Variants in CTNNA3 observed in about 807,000 individuals in gnomAD.
The protein encoded by CTNNA3 is catenin alpha 3, also known as catenin alpha-3.
In CTNNA3, 76 loss-of-function variants were observed where a neutral mutation model predicts 95.7. That is an observed-to-expected ratio of 0.79 (90% CI 0.66 to 0.96). The LOEUF (loss-of-function observed/expected upper bound fraction) is 0.96. Ranked by LOEUF, CTNNA3 falls within the 40% of genes least tolerant of loss-of-function variation. The pLI is 0.00. For synonymous variants in CTNNA3, 431 were observed against 374.4 expected (o/e 1.15, Z -1.74); for missense variants, 1,191 against 1,089.8 (o/e 1.09, Z -1.31).
intron 7 of CTNNA3, among the ~76,000 whole-genome samples, chr10:67,130,836 A>G (rs1402903336): frequency 1.3e-5 from 2 of 152,088 alleles, no homozygotes. Context: ...TACAAATGGA[A>G]GCACTGACAG....
chr10:66,738,697 C>T (rs187274119), intron 9 of CTNNA3, among the ~76,000 whole-genome samples: 3 of 152,230 alleles, frequency 2.0e-5, no homozygotes, highest in Non-Finnish European at 4.4e-5. Flanking sequence ...ATCTCCATCA[C>T]TATTTCCCTG....
chr10:67,218,392 G>C (rs924932399), intron 6 of CTNNA3, among the ~76,000 whole-genome samples: 4 of 152,158 alleles, frequency 2.6e-5, no homozygotes, highest in African/African-American at 9.7e-5. Flanking sequence ...CCTGCATCCA[G>C]TGACTGAAAG....
At chr10:66,035,117 T>G (rs1017277426) in intron 15 of CTNNA3, among the ~76,000 whole-genome samples, 1 of 152,206 alleles carries the variant, frequency 6.6e-6, no homozygotes, top group East Asian at 1.9e-4. Flanking sequence ...CTCACCTATT[T>G]CAAATTTAAA....
chr10:66,263,204 T>C (rs759896072), intron 13 of CTNNA3, among the ~76,000 whole-genome samples: 3 of 151,910 alleles, frequency 2.0e-5, no homozygotes, highest in African/African-American at 4.8e-5. Flanking sequence ...CTGCAGAGCA[T>C]ATTGGAACAA....
chr10:67,302,237 T>C (rs1329322477), intron 5 of CTNNA3, among the ~76,000 whole-genome samples: 1 of 151,422 alleles, frequency 6.6e-6, no homozygotes, highest in Non-Finnish European at 1.5e-5. Flanking sequence ...AAGCAGAGAG[T>C]ACAATGAGAG....
intron 7 of CTNNA3, among the ~76,000 whole-genome samples, chr10:67,026,849 C>A (rs1853422014): frequency 6.6e-6 from 1 of 152,118 alleles, no homozygotes; most frequent in South Asian, 2.1e-4. Flanking sequence ...AACCTAAAAT[C>A]TACAAAGCTT....
At chr10:66,383,500 G>A (rs1162031627) in intron 11 of CTNNA3, among the ~76,000 whole-genome samples, 1 of 152,122 alleles carries the variant, frequency 6.6e-6, no homozygotes, top group Non-Finnish European at 1.5e-5. Flanking sequence ...GGGAAGAATG[G>A]AACCCAGTTG....
intron 13 of CTNNA3, among the ~76,000 whole-genome samples, chr10:66,193,386 T>C (rs1243546798): frequency 6.6e-6 from 1 of 152,116 alleles, no homozygotes; most frequent in Non-Finnish European, 1.5e-5. Flanking sequence ...TCAACAGGGA[T>C]GGAGGGCCTA....
chr10:66,565,387 G>T (rs1842674784), intron 10 of CTNNA3, among the ~76,000 whole-genome samples: 1 of 152,172 alleles, frequency 6.6e-6, no homozygotes, highest in South Asian at 2.1e-4. Context: ...TATATAAAAT[G>T]ATGTGGGAAC....
intron 11 of CTNNA3, among the ~76,000 whole-genome samples, chr10:66,464,424 G>A (rs1422217347): frequency 6.6e-6 from 1 of 152,048 alleles, no homozygotes; most frequent in African/African-American, 2.4e-5. Context: ...TCCACAGGGA[G>A]CAACTGTATC....
At chr10:66,416,499 T>C (rs2093146993) in intron 11 of CTNNA3, among the ~76,000 whole-genome samples, 1 of 151,696 alleles carries the variant, frequency 6.6e-6, no homozygotes, top group African/African-American at 2.4e-5. Flanking sequence ...CTTCATGGTA[T>C]ACTATAGTTA....
At chr10:66,649,077 T>C (rs935980474) in intron 9 of CTNNA3, among the ~76,000 whole-genome samples, 2 of 151,650 alleles carry the variant, frequency 1.3e-5, no homozygotes, top group African/African-American at 4.9e-5. Flanking sequence ...AGAAGGAAAA[T>C]CAGGAGAGTG....
At chr10:66,870,626 G>A (rs1844359214) in intron 7 of CTNNA3, among the ~76,000 whole-genome samples, 1 of 152,082 alleles carries the variant, frequency 6.6e-6, no homozygotes, top group South Asian at 2.1e-4. Flanking sequence ...AACATTCTAA[G>A]CTTTAGCCAT....
At chr10:67,726,007 T>A (rs1841210326) in intron 1 of CTNNA3, among the ~76,000 whole-genome samples, 1 of 136,724 alleles carries the variant, frequency 7.3e-6, no homozygotes, top group Non-Finnish European at 1.5e-5. Context: ...ATATTATATA[T>A]CTAAATCCAC....
intron 7 of CTNNA3, among the ~76,000 whole-genome samples, chr10:67,138,139 A>G (rs1860385156): frequency 6.6e-6 from 1 of 152,062 alleles, no homozygotes; most frequent in Admixed American, 6.6e-5. Context: ...TTAGATTTAT[A>G]TATGTATGGG....
intron 7 of CTNNA3, chr10:67,013,033 T>C (rs984329872): frequency 5.9e-5 from 9 of 152,188 alleles, no homozygotes; most frequent in Non-Finnish European, 2.9e-5. Flanking sequence ...CTAGGTAATA[T>C]TCTTTAAGCA....
intron 10 of CTNNA3, among the ~76,000 whole-genome samples, chr10:66,602,120 T>A (rs1024440622): frequency 6.6e-6 from 1 of 151,864 alleles, no homozygotes. Flanking sequence ...GGTCTTTTGG[T>A]TGGAAAACTT....
At position 67,527,242 on chromosome 10, in the gene CTNNA3, A is replaced by C. The variant is rs10997693; in HGVS notation, c.460-5281T>G. Among the ~76,000 whole-genome samples the C allele has an allele frequency of 9.1e-4, 138 of 152,202 alleles. 2 individuals carry two copies. The East Asian group carries it at 0.019, about 21-fold the overall frequency. On this transcript the variant is annotated intron_variant, in intron 4 of 17. Transcript: ENST00000433211. ...ACTGCACTCCAGCCTGGGTGACAGA[A>C]AAAGACTTCATCTCAAAGATAAGAT...
At chr10:65,990,125 C>G (rs1471574550) in intron 15 of CTNNA3, among the ~76,000 whole-genome samples, 2 of 149,910 alleles carry the variant, frequency 1.3e-5, no homozygotes, top group African/African-American at 4.9e-5. Context: ...TTTTATTTAT[C>G]CATTTATCCA....
Sources: allele counts gnomAD v4.1 joint callset (sites outside exome capture counted in the v4.1 genomes callset), GRCh38; gene constraint gnomAD v4.1.1; transcripts MANE v1.5; gene names NCBI Gene and HGNC (gene_info 2026-07-23, HGNC 2026-07-21).